Variants in SOS1 observed in about 807,000 individuals in gnomAD.
SOS1 encodes the protein SOS Ras/Rac guanine nucleotide exchange factor 1, also known as son of sevenless homolog 1.
Under a neutral mutation model 157.6 loss-of-function variants are expected in SOS1, and 25 were observed. The ratio of observed to expected loss-of-function variants is 0.16; its 90% CI spans 0.12 to 0.22. The LOEUF (loss-of-function observed/expected upper bound fraction) is 0.22. Ranked by LOEUF, SOS1 falls within the 10% of genes least tolerant of loss-of-function variation. SOS1 has a pLI of 1.00. For synonymous variants in SOS1, 528 were observed against 534.0 expected (o/e 0.99, Z 0.16); for missense variants, 1,237 against 1,599.1 (o/e 0.77, Z 3.86).
At chr2:39,104,257 G>A (rs1444276430) in intron 1 of SOS1, among the ~76,000 whole-genome samples, 1 of 152,048 alleles carries the variant, frequency 6.6e-6, no homozygotes, top group Non-Finnish European at 1.5e-5. Context: ...ACTCCAGCCT[G>A]GGGGACAACA....
At chr2:39,086,420 G>A (rs770085291) in intron 1 of SOS1, among the ~76,000 whole-genome samples, 2 of 152,188 alleles carry the variant, frequency 1.3e-5, no homozygotes, top group Admixed American at 6.5e-5. Flanking sequence ...GAGGGAACAA[G>A]AGATCAAGAG....
intron 6 of SOS1, among the ~76,000 whole-genome samples, chr2:39,049,129 G>A (rs758990691): frequency 5.3e-5 from 8 of 152,126 alleles, no homozygotes; most frequent in Non-Finnish European, 1.0e-4. Context: ...TATTGGCCAG[G>A]CTGGTCTTGA....
intron 1 of SOS1, among the ~76,000 whole-genome samples, chr2:39,101,068 T>C (rs529263067): frequency 1.3e-5 from 2 of 152,266 alleles, no homozygotes; most frequent in Non-Finnish European, 2.9e-5. Flanking sequence ...CTAACAGTTC[T>C]GCAGGCTGTA....
At chr2:39,106,184 T>TACACACACAC (rs35147616) in intron 1 of SOS1, among the ~76,000 whole-genome samples, 8 of 148,122 alleles carry the variant, frequency 5.4e-5, no homozygotes, top group African/African-American at 2.0e-4. Flanking sequence ...TGTGCTACTG[T>TACACACACAC]ACACACACAC....
chr2:39,074,802 G>C (rs940838016), intron 1 of SOS1, among the ~76,000 whole-genome samples: 2 of 151,916 alleles, frequency 1.3e-5, no homozygotes, highest in Non-Finnish European at 2.9e-5. Context: ...GGGAGGCGGA[G>C]GTTGTGGTGA....
At chr2:39,100,487 G>C (rs959322571) in intron 1 of SOS1, among the ~76,000 whole-genome samples, 1 of 152,162 alleles carries the variant, frequency 6.6e-6, no homozygotes, top group African/African-American at 2.4e-5. Context: ...CTTAAAAAAT[G>C]AGATACTGCC....
intron 1 of SOS1, 91 bp from the exon 2 acceptor site, chr2:39,067,844 C>T: frequency 8.8e-7 from 1 of 1,140,552 alleles, no homozygotes. Context: ...TGTGGCCGGG[C>T]ACGGTGGCTC....
chr2:39,116,767 C>T (rs561499700), intron 1 of SOS1, among the ~76,000 whole-genome samples: 1 of 152,282 alleles, frequency 6.6e-6, no homozygotes, highest in South Asian at 2.1e-4. Flanking sequence ...GGGAGGATAG[C>T]TTAAGCCCAG....
intron 1 of SOS1, among the ~76,000 whole-genome samples, chr2:39,072,794 T>G (rs1485130478): frequency 6.6e-6 from 1 of 152,190 alleles, no homozygotes; most frequent in Non-Finnish European, 1.5e-5. Flanking sequence ...TTTTCACATC[T>G]TAAAATCTGT....
At chr2:39,042,712 ATTTTTTT>A (rs200188697) in intron 6 of SOS1, among the ~76,000 whole-genome samples, 8 of 132,648 alleles carry the variant, frequency 6.0e-5, no homozygotes, top group Non-Finnish European at 1.1e-4. Context: ...TAATTTTATG[ATTTTTTT>A]TTTTTTTTTT....
intron 20 of SOS1, among the ~76,000 whole-genome samples, chr2:38,994,221 TAAATA>T (rs1668821655): frequency 6.6e-6 from 1 of 152,236 alleles, no homozygotes; most frequent in African/African-American, 2.4e-5. Flanking sequence ...TATACTGGGT[TAAATA>T]AAATGTATTA....
At chr2:39,060,656 C>G (rs1671370028) in intron 2 of SOS1, among the ~76,000 whole-genome samples, 1 of 152,116 alleles carries the variant, frequency 6.6e-6, no homozygotes, top group Admixed American at 6.6e-5. Context: ...AACTCCTGAC[C>G]TCAGGTGATC....
chr2:39,006,219 T>C (rs1669278704), intron 17 of SOS1, among the ~76,000 whole-genome samples, 193 bp downstream of exon 17: 1 of 152,110 alleles, frequency 6.6e-6, no homozygotes, highest in Non-Finnish European at 1.5e-5. Flanking sequence ...AAGATGAAAA[T>C]AGAAAATGAA....
At chr2:39,104,231 T>G (rs1673080537) in intron 1 of SOS1, among the ~76,000 whole-genome samples, 1 of 152,100 alleles carries the variant, frequency 6.6e-6, no homozygotes, top group Non-Finnish European at 1.5e-5. Context: ...GCAGTGAGCC[T>G]AGATCACACC....
intron 10 of SOS1, among the ~76,000 whole-genome samples, chr2:39,021,981 T>A (rs1669813106): frequency 6.6e-6 from 1 of 151,792 alleles, no homozygotes; most frequent in South Asian, 2.1e-4. Context: ...CTAGGCAGCC[T>A]ATTTACATTT....
chr2:39,027,830 A>AT (rs375324523), intron 8 of SOS1, among the ~76,000 whole-genome samples: 323 of 142,734 alleles, frequency 2.3e-3, no homozygotes, highest in Middle Eastern at 0.018. Context: ...TCATATTATT[A>AT]TTTTTTTTTT....
chr2:39,049,795 G>A (rs1670931899), intron 6 of SOS1, among the ~76,000 whole-genome samples: 1 of 152,162 alleles, frequency 6.6e-6, no homozygotes, highest in Non-Finnish European at 1.5e-5. Flanking sequence ...ATTATTGTAA[G>A]GCAACGTTTT....
At position 39,023,266 on chromosome 2, in the gene SOS1, G is replaced by A. The variant is rs568590951; in HGVS notation, c.1203-41C>T. Reference sequence around the variant, plus strand: ...AGACATTATTAGTACATAGATGACAGAAAACCTAGAGCTCATGTAAGTAAG... The same window carrying A: ...AGACATTATTAGTACATAGATGACAAAAAACCTAGAGCTCATGTAAGTAAG... On this transcript the variant is annotated intron_variant, in intron 9 of 22. Transcript: ENST00000402219. 6 of 1,481,450 alleles carry A rather than the reference G, an allele frequency of 4.1e-6. No homozygotes were observed. In the African/African-American group the frequency reaches 5.5e-5, roughly 14 times the overall value. 91.8% of individuals were successfully genotyped at this position (1,481,450 alleles called of 1,614,324 possible). A position where few individuals can be genotyped will look rare whatever the true frequency, so the allele number is the denominator to read the frequency against.
At chr2:39,084,438 T>C (rs1363891362) in intron 1 of SOS1, among the ~76,000 whole-genome samples, 1 of 151,578 alleles carries the variant, frequency 6.6e-6, no homozygotes. Flanking sequence ...TGGAGAAAAA[T>C]ATGGAAGAAT....
Sources: gnomAD v4.1 joint callset for allele counts (sites outside exome capture counted in the v4.1 genomes callset) on GRCh38, gnomAD v4.1.1 for gene constraint, MANE v1.5 for transcripts, NCBI Gene and HGNC (gene_info 2026-07-23, HGNC 2026-07-21) for gene names.